KLF12: variants seen among roughly 807,000 people sequenced by gnomAD.
KLF12 encodes KLF transcription factor 12.
KLF12 carries 9 observed loss-of-function variants against 37.8 expected under a neutral mutation model. The ratio of observed to expected loss-of-function variants is 0.24; its 90% confidence interval spans 0.14 to 0.42. The LOEUF (loss-of-function observed/expected upper bound fraction) is 0.42. Among genes scored for constraint, KLF12 ranks in the 10% least tolerant of loss-of-function variants. The pLI is 1.00. For missense variants in KLF12, 411 were observed against 516.0 expected (o/e 0.80, Z 1.97); for synonymous variants, 208 against 202.1 (o/e 1.03, Z -0.25).
At chr13:74,164,110 T>C in the KLF12 span, among the ~76,000 whole-genome samples, 2,969 of 152,172 alleles carry the variant, frequency 0.02, 84 homozygotes, top group African/African-American at 0.065. Flanking sequence ...GTCAGTATAA[T>C]AGAGTGGAAA....
intron 1 of KLF12, among the ~76,000 whole-genome samples, chr13:74,053,675 T>C (rs553703479): frequency 6.6e-5 from 10 of 152,068 alleles, no homozygotes; most frequent in South Asian, 2.1e-4. Context: ...GCCTGGAAAA[T>C]TGGACTCAGC....
At chr13:74,132,483 C>A (rs1878316109) in intron 1 of KLF12, among the ~76,000 whole-genome samples, 1 of 152,132 alleles carries the variant, frequency 6.6e-6, no homozygotes, top group South Asian at 2.1e-4. Flanking sequence ...TCAGAGTGCT[C>A]GCCGAGAATT....
chr13:74,183,075 A>G, the KLF12 span, among the ~76,000 whole-genome samples: 1 of 152,138 alleles, frequency 6.6e-6, no homozygotes, highest in East Asian at 1.9e-4. Flanking sequence ...TTTTAACTTC[A>G]GTTTCTCTAT....
At chr13:74,229,695 A>G in the KLF12 span, among the ~76,000 whole-genome samples, 5 of 152,136 alleles carry the variant, frequency 3.3e-5, no homozygotes, top group African/African-American at 7.2e-5. Context: ...ATTTTTTCAT[A>G]GGTACTGTGG....
chr13:74,223,398 T>C, the KLF12 span, among the ~76,000 whole-genome samples: 1 of 152,172 alleles, frequency 6.6e-6, no homozygotes, highest in Non-Finnish European at 1.5e-5. Context: ...TCTAGTACAG[T>C]TTATGTGTCC....
chr13:74,027,585 T>C lies in KLF12; in HGVS notation c.-31-32532A>G, dbSNP rs139834420. Among the ~76,000 whole-genome samples, 31 of 152,314 alleles carry C rather than the reference T, an allele frequency of 2.0e-4. 1 individual carries two copies. In the East Asian group the frequency reaches 6.0e-3, roughly 29 times the overall value. ...GTAAAACTGAAGATAAAGGTTCCAC[T>C]CAGGCTATTTATAAATACCCTTAAA... On this transcript the variant is annotated intron_variant, in intron 1 of 7. Transcript: ENST00000377669.
At chr13:73,875,261 C>T (rs552895198) in intron 3 of KLF12, among the ~76,000 whole-genome samples, 2 of 152,172 alleles carry the variant, frequency 1.3e-5, no homozygotes, top group African/African-American at 2.4e-5. Context: ...CTAATATGTA[C>T]ATTTATTCTC....
At chr13:73,737,121 G>A (rs1261823516) in intron 6 of KLF12, among the ~76,000 whole-genome samples, 1 of 151,920 alleles carries the variant, frequency 6.6e-6, no homozygotes, top group Non-Finnish European at 1.5e-5. Flanking sequence ...GGCAACTTCT[G>A]AAGCCTTGAT....
At chr13:74,134,115 TCTC>T (rs1429267125), upstream of KLF12, among the ~76,000 whole-genome samples, 2 of 127,474 alleles carry the variant, frequency 1.6e-5, no homozygotes, top group Admixed American at 1.8e-4. Flanking sequence ...GGACGCCGCT[TCTC>T]CTCCCTCGCA....
chr13:73,886,262 C>T (rs1167432962), intron 3 of KLF12, among the ~76,000 whole-genome samples: 1 of 152,294 alleles, frequency 6.6e-6, no homozygotes, highest in African/African-American at 2.4e-5. Context: ...CAAACGGTTT[C>T]GTACATGAGC....
chr13:73,734,261 C>A (rs1877281620), intron 6 of KLF12, among the ~76,000 whole-genome samples: 1 of 152,070 alleles, frequency 6.6e-6, no homozygotes. Flanking sequence ...CCTCTCCTGA[C>A]CCCTGCACCA....
At chr13:74,009,903 A>G (rs2031427) in intron 1 of KLF12, among the ~76,000 whole-genome samples, 122,182 of 152,076 alleles carry the variant, frequency 0.8, 49,815 homozygotes, top group East Asian at 0.93. Flanking sequence ...TTTAAATTAA[A>G]CAAACTATAA....
chr13:74,160,673 T>C, the KLF12 span, among the ~76,000 whole-genome samples: 1 of 152,012 alleles, frequency 6.6e-6, no homozygotes, highest in African/African-American at 2.4e-5. Flanking sequence ...CTTAAGAAAC[T>C]TAAAAGCACA....
At chr13:74,098,811 T>C (rs1832626720) in intron 1 of KLF12, among the ~76,000 whole-genome samples, 1 of 152,230 alleles carries the variant, frequency 6.6e-6, no homozygotes, top group Non-Finnish European at 1.5e-5. Context: ...AACTAGTTTA[T>C]GTAGCATTTA....
the KLF12 span, among the ~76,000 whole-genome samples, chr13:74,162,221 C>A: frequency 6.6e-6 from 1 of 152,208 alleles, no homozygotes; most frequent in African/African-American, 2.4e-5. Flanking sequence ...GGGTTCAAGG[C>A]AGCTATTCAG....
intron 1 of KLF12, among the ~76,000 whole-genome samples, chr13:74,066,653 T>C (rs1002462885): frequency 2.6e-5 from 4 of 152,120 alleles, no homozygotes; most frequent in African/African-American, 4.8e-5. Flanking sequence ...TTTAGATAAA[T>C]TATAGTTTTA....
the KLF12 span, among the ~76,000 whole-genome samples, chr13:74,206,409 TTC>T: frequency 6.6e-6 from 1 of 152,140 alleles, no homozygotes; most frequent in Non-Finnish European, 1.5e-5. Flanking sequence ...ACTCATTCAG[TTC>T]CAAACAATTA....
chr13:74,039,301 G>A lies in KLF12; in HGVS notation c.-31-44248C>T, dbSNP rs528203532. On this transcript the variant is annotated intron_variant, in intron 1 of 7. Transcript: ENST00000377669. ...TACCTGTAATCTTAGTACTTTGAGAGGCTGAAGCAGGAGGAGTGCTTGAGT... is the reference window on the plus strand; with the variant it reads ...TACCTGTAATCTTAGTACTTTGAGAAGCTGAAGCAGGAGGAGTGCTTGAGT... 4.5e-4 allele frequency among the ~76,000 whole-genome samples: 68 copies of A among 152,196 alleles called. 1 individual carries two copies. Among genetic ancestry groups the A allele is most frequent in the Middle Eastern group, 3.4e-3 (1 of 294 alleles).
intron 3 of KLF12, among the ~76,000 whole-genome samples, chr13:73,854,101 T>G (rs1237754508): frequency 3.3e-5 from 5 of 152,240 alleles, no homozygotes; most frequent in Non-Finnish European, 7.3e-5. Context: ...GGGTTATCTT[T>G]TCCTCATGAT....
Sources: allele counts gnomAD v4.1 joint callset (sites outside exome capture counted in the v4.1 genomes callset), GRCh38; gene constraint gnomAD v4.1.1; transcripts MANE v1.5; gene names NCBI Gene and HGNC (gene_info 2026-07-23, HGNC 2026-07-21).